The following GLIS3 variants were observed in gnomAD, a reference collection of about 807,000 sequenced individuals.
GLIS3 encodes the protein zinc finger protein GLIS3.
Under a neutral mutation model 78.6 loss-of-function variants are expected in GLIS3, and 53 were observed. The observed-to-expected ratio is 0.67, with a 90% CI of 0.54 to 0.85. The LOEUF is 0.85. GLIS3 is among the 40% of genes least tolerant of loss of function. GLIS3 has a pLI of 0.00. For missense variants in GLIS3, 1,703 were observed against 1,231.1 expected (o/e 1.38, Z -5.74); for synonymous variants, 684 against 509.9 (o/e 1.34, Z -4.60).
chr9:4,381,497 A>G, the GLIS3 span, among the ~76,000 whole-genome samples: 1 of 152,328 alleles, frequency 6.6e-6, no homozygotes, highest in South Asian at 2.1e-4. Flanking sequence ...GGAAAAGATA[A>G]GAGTTGCATG....
At chr9:3,984,856 G>T (rs1819605951) in intron 4 of GLIS3, among the ~76,000 whole-genome samples, 1 of 152,152 alleles carries the variant, frequency 6.6e-6, no homozygotes, top group Non-Finnish European at 1.5e-5. Context: ...TCGTAATAGT[G>T]AATGAGTCTC....
intron 4 of GLIS3, among the ~76,000 whole-genome samples, chr9:3,949,864 A>G (rs923486817): frequency 5.3e-5 from 8 of 152,232 alleles, no homozygotes; most frequent in East Asian, 1.9e-4. Context: ...TAAGAATCCA[A>G]TCTGCGTCAT....
intron 4 of GLIS3, among the ~76,000 whole-genome samples, chr9:4,079,175 G>A (rs930160864): frequency 2.0e-5 from 3 of 152,204 alleles, no homozygotes; most frequent in Admixed American, 6.5e-5. Context: ...TGCTTTTGGA[G>A]TAAATTCCAA....
At chr9:4,355,866 G>A in the GLIS3 span, among the ~76,000 whole-genome samples, 1 of 152,204 alleles carries the variant, frequency 6.6e-6, no homozygotes, top group East Asian at 1.9e-4. Flanking sequence ...AACTAGAAAG[G>A]GGCATGTGGG....
At chr9:4,022,251 T>A (rs1170130588) in intron 4 of GLIS3, among the ~76,000 whole-genome samples, 1 of 152,182 alleles carries the variant, frequency 6.6e-6, no homozygotes, top group Non-Finnish European at 1.5e-5. Flanking sequence ...ACTGCATGGC[T>A]AGGAAATGCT....
chr9:3,920,285 G>A (rs1041560817), intron 6 of GLIS3, among the ~76,000 whole-genome samples: 1 of 152,188 alleles, frequency 6.6e-6, no homozygotes, highest in African/African-American at 2.4e-5. Context: ...TTACAGGCAT[G>A]AGCCACTGTG....
chr9:4,299,862 G>C lies in GLIS3; in HGVS notation c.-540C>G, dbSNP rs1218117351. On this transcript the variant is annotated 5_prime_UTR_variant, in exon 1 of 11. Coordinates refer to ENST00000381971, the MANE Select transcript of GLIS3 (RefSeq NM_001042413.2). ...GGGATGCTGGCTAATTGCTGCCGGC[G>C]GGTTCCGTCGCCGGTGTGACCCTGG... 1 of 152,342 alleles carries C rather than the reference G, an allele frequency of 6.6e-6. No homozygotes were observed. Among genetic ancestry groups the C allele is most frequent in the African/African-American group, 2.4e-5 (1 of 41,464 alleles). 9.4% of individuals were successfully genotyped at this position (152,342 alleles called of 1,614,324 possible). A position where few individuals can be genotyped will look rare whatever the true frequency, so the allele number is the denominator to read the frequency against.
intron 2 of GLIS3, among the ~76,000 whole-genome samples, chr9:4,159,508 G>C (rs5027094): frequency 0.98 from 149,722 of 152,228 alleles, 73,689 homozygotes; most frequent in East Asian, 1. Context: ...CACTTGAGGT[G>C]AGGAGTTTGA....
At chr9:3,951,306 C>T (rs1022017863) in intron 4 of GLIS3, among the ~76,000 whole-genome samples, 2 of 151,966 alleles carry the variant, frequency 1.3e-5, no homozygotes, top group African/African-American at 4.8e-5. Context: ...TAAGAACATA[C>T]TGTATTAGTA....
At chr9:4,437,516 T>C in the GLIS3 span, among the ~76,000 whole-genome samples, 9 of 152,024 alleles carry the variant, frequency 5.9e-5, no homozygotes, top group African/African-American at 2.2e-4. Flanking sequence ...GGCACCATAA[T>C]GACATCCATT....
intron 2 of GLIS3, among the ~76,000 whole-genome samples, chr9:4,346,382 A>G (rs536299869): frequency 1.2e-5 from 1 of 83,342 alleles, no homozygotes; most frequent in African/African-American, 4.2e-5. Context: ...TTGGTGTTCT[A>G]GCCAGTGACT....
chr9:4,092,361 C>G (rs1829591847), intron 4 of GLIS3, among the ~76,000 whole-genome samples: 1 of 151,832 alleles, frequency 6.6e-6, no homozygotes, highest in South Asian at 2.1e-4. Flanking sequence ...ACCATGTTAA[C>G]CAGGATGGTC....
chr9:4,272,392 C>A (rs1000665356), intron 2 of GLIS3, among the ~76,000 whole-genome samples: 5 of 152,122 alleles, frequency 3.3e-5, no homozygotes, highest in Non-Finnish European at 7.4e-5. Flanking sequence ...TTGAGGCAAT[C>A]TCTGCCAAAA....
At chr9:4,475,786 C>T in the GLIS3 span, among the ~76,000 whole-genome samples, 2 of 152,102 alleles carry the variant, frequency 1.3e-5, no homozygotes, top group African/African-American at 2.4e-5. Context: ...AAAGAGGCAA[C>T]TGAAGAATAA....
intron 4 of GLIS3, among the ~76,000 whole-genome samples, chr9:4,040,088 G>A (rs1037843199): frequency 3.9e-5 from 6 of 152,046 alleles, no homozygotes; most frequent in East Asian, 1.9e-4. Context: ...CCATCTGCAG[G>A]AAAGCCCCCT....
At chr9:4,459,913 G>C in the GLIS3 span, among the ~76,000 whole-genome samples, 1 of 152,250 alleles carries the variant, frequency 6.6e-6, no homozygotes, top group Non-Finnish European at 1.5e-5. Flanking sequence ...CCTGGGAACT[G>C]ATCCCTAGAT....
intron 6 of GLIS3, among the ~76,000 whole-genome samples, chr9:3,915,262 C>G (rs754371176): frequency 9.2e-5 from 14 of 152,170 alleles, no homozygotes; most frequent in Non-Finnish European, 1.9e-4. Flanking sequence ...TCCACCCCCT[C>G]CAATTATCCC....
chr9:4,084,272 C>CAG (rs1828818327), intron 4 of GLIS3, among the ~76,000 whole-genome samples: 1 of 136,568 alleles, frequency 7.3e-6, no homozygotes, highest in Non-Finnish European at 1.6e-5. Context: ...CACACACACA[C>CAG]ACACACACAC....
chr9:4,416,213 C>A, the GLIS3 span, among the ~76,000 whole-genome samples: 3 of 118,280 alleles, frequency 2.5e-5, no homozygotes, highest in Non-Finnish European at 3.2e-5. Flanking sequence ...GATTGAGCCA[C>A]TGTACTCTGG....
Sources: gnomAD v4.1 joint callset for allele counts (sites outside exome capture counted in the v4.1 genomes callset) on GRCh38, gnomAD v4.1.1 for gene constraint, MANE v1.5 for transcripts, NCBI Gene and HGNC (gene_info 2026-07-23, HGNC 2026-07-21) for gene names.